Variants in LRRC53 observed in about 807,000 individuals in gnomAD.
The protein encoded by LRRC53 is leucine-rich repeat-containing protein 53.
In LRRC53, 25 loss-of-function variants were observed where a neutral mutation model predicts 13.6. The observed-to-expected ratio is 1.83, with a 90% confidence interval of 1.34 to 2.56. LRRC53 has a LOEUF of 2.56. Ranked by LOEUF, LRRC53 falls within the 30% of genes most tolerant of loss-of-function variation. The pLI is 0.00. For synonymous variants in LRRC53, 204 were observed against 109.8 expected, an observed-to-expected ratio of 1.86 and a Z score of -5.37; for missense variants, 527 against 275.8, an observed-to-expected ratio of 1.91 and a Z score of -6.45.
chr1:74,508,400 G>GT (rs1330581889), intron 1 of LRRC53, among the ~76,000 whole-genome samples: 1 of 152,136 alleles, frequency 6.6e-6, no homozygotes, highest in African/African-American at 2.4e-5. Flanking sequence ...AATAAAGAAG[G>GT]TATTATGATT....
At chr1:74,524,261 T>C in the LRRC53 span, among the ~76,000 whole-genome samples, 1 of 152,240 alleles carries the variant, frequency 6.6e-6, no homozygotes, top group Non-Finnish European at 1.5e-5. Context: ...TTTAACAGCC[T>C]GATCTCTGCC....
At position 74,505,810 on chromosome 1, in the gene LRRC53, AT is replaced by A. The variant is rs150666722; in HGVS notation, c.-27+6715del. ...GACCCAGGAAGAAAATAACTCCTGA[AT>A]TAACCAAAGTGGAATGAAAATCTTC... is the stretch of plus-strand genomic sequence containing the variant. On this transcript the variant is annotated intron_variant, in intron 1 of 4. Coordinates refer to ENST00000294635, the MANE Select transcript of LRRC53 (RefSeq NM_001382280.1). 1.3e-3 allele frequency among the ~76,000 whole-genome samples: 194 copies of A among 152,340 alleles called. 1 individual carries two copies. The highest frequency in any genetic ancestry group is 4.4e-3 in the African/African-American group (185 of 41,582).
intron 1 of LRRC53, chr1:74,492,352 A>G (rs867316559): frequency 7.4e-7 from 1 of 1,344,376 alleles, no homozygotes; most frequent in African/African-American, 1.5e-5. Flanking sequence ...TACTATTAAC[A>G]GGGTTTGATT....
the LRRC53 span, among the ~76,000 whole-genome samples, chr1:74,534,858 A>C: frequency 1.3e-5 from 2 of 152,178 alleles, no homozygotes; most frequent in African/African-American, 4.8e-5. Context: ...CCTCTGCTTC[A>C]TCTTAAATGG....
intron 1 of LRRC53, among the ~76,000 whole-genome samples, chr1:74,500,734 A>G (rs549095758): frequency 5.0e-4 from 75 of 149,258 alleles, no homozygotes; most frequent in Non-Finnish European, 1.0e-3. Flanking sequence ...GATATTTAGT[A>G]GATAGAGGAT....
chr1:74,484,945 G>A (rs766798517), intron 1 of LRRC53, among the ~76,000 whole-genome samples: 3 of 152,146 alleles, frequency 2.0e-5, no homozygotes, highest in Non-Finnish European at 4.4e-5. Context: ...ATACAAGGAA[G>A]GGATGATGTG....
At chr1:74,525,788 T>C in the LRRC53 span, among the ~76,000 whole-genome samples, 3 of 152,108 alleles carry the variant, frequency 2.0e-5, no homozygotes, top group African/African-American at 7.2e-5. Flanking sequence ...GGAGCAGCAG[T>C]TGGCCCAGCA....
chr1:74,529,598 A>G, the LRRC53 span, among the ~76,000 whole-genome samples: 2 of 152,186 alleles, frequency 1.3e-5, no homozygotes, highest in Non-Finnish European at 2.9e-5. Context: ...GGAAGAATCA[A>G]ATGATTGTAT....
chr1:74,481,942 A>G (rs1355891241), intron 2 of LRRC53, among the ~76,000 whole-genome samples: 1 of 152,184 alleles, frequency 6.6e-6, no homozygotes, highest in African/African-American at 2.4e-5. Context: ...TCGCGGAAAC[A>G]AAGAGATTAA....
intron 1 of LRRC53, among the ~76,000 whole-genome samples, chr1:74,490,332 G>A (rs1669002004): frequency 6.6e-6 from 1 of 152,186 alleles, no homozygotes. Context: ...TCTGCCAGAA[G>A]CCTTGGGTAT....
At chr1:74,479,600 A>G (rs1033534273) in intron 3 of LRRC53, among the ~76,000 whole-genome samples, 9 of 152,188 alleles carry the variant, frequency 5.9e-5, no homozygotes, top group Admixed American at 2.6e-4. Flanking sequence ...TCATTTATTT[A>G]ACTACTATGC....
chr1:74,478,755 T>C (rs1668330673), intron 3 of LRRC53, among the ~76,000 whole-genome samples: 1 of 152,242 alleles, frequency 6.6e-6, no homozygotes, highest in Non-Finnish European at 1.5e-5. Flanking sequence ...TATGCGTGCA[T>C]CTGTGTGTTT....
intron 1 of LRRC53, among the ~76,000 whole-genome samples, chr1:74,501,647 C>T (rs549506760): frequency 1.0e-3 from 158 of 152,056 alleles, no homozygotes; most frequent in African/African-American, 3.5e-3. Context: ...CTACCACGCC[C>T]GGGTAATTTT....
chr1:74,479,482 C>T (rs1668371728), intron 3 of LRRC53, among the ~76,000 whole-genome samples: 1 of 152,160 alleles, frequency 6.6e-6, no homozygotes, highest in Non-Finnish European at 1.5e-5. Context: ...AATTCAAAAC[C>T]ACCCAACAGG....
intron 1 of LRRC53, among the ~76,000 whole-genome samples, chr1:74,488,016 G>A (rs1476000535): frequency 2.0e-5 from 3 of 152,184 alleles, no homozygotes; most frequent in Non-Finnish European, 4.4e-5. Flanking sequence ...AAGCTCATTG[G>A]AGAAGAGTAG....
At chr1:74,495,802 T>C (rs994137689) in intron 1 of LRRC53, among the ~76,000 whole-genome samples, 1 of 152,180 alleles carries the variant, frequency 6.6e-6, no homozygotes, top group African/African-American at 2.4e-5. Context: ...TGCCAATACT[T>C]GTATTTGCTG....
intron 2 of LRRC53, among the ~76,000 whole-genome samples, chr1:74,482,832 G>T (rs372294706): frequency 1.3e-5 from 2 of 152,198 alleles, no homozygotes; most frequent in African/African-American, 4.8e-5. Flanking sequence ...TTCAAAATGA[G>T]ACGCACTTTG....
At position 74,507,224 on chromosome 1, in the gene LRRC53, C is replaced by CCT. The variant is rs1553153837; in HGVS notation, c.-27+5301_-27+5302insAG. Among the ~76,000 whole-genome samples, 5 of 27,074 alleles carry CCT rather than the reference C, an allele frequency of 1.8e-4. No homozygotes were observed. In the East Asian group the frequency reaches 0.025, roughly 133 times the overall value. The allele number at this position is 27,074 out of a possible 152,430, so 17.8% of individuals were successfully genotyped here. A position where few individuals can be genotyped will look rare whatever the true frequency, so the allele number is the denominator to read the frequency against. Reference sequence around the variant, plus strand: ...GATGAGCAGTTTTTAAATTTCTTCACCCCCCCCCCATCTTTTTAACACAAA... The same window carrying CCT: ...GATGAGCAGTTTTTAAATTTCTTCACCTCCCCCCCCCATCTTTTTAACACAAA... On this transcript the variant is annotated intron_variant, in intron 1 of 4. Transcript: ENST00000294635.
At chr1:74,517,639 C>T in the LRRC53 span, among the ~76,000 whole-genome samples, 1 of 152,130 alleles carries the variant, frequency 6.6e-6, no homozygotes, top group South Asian at 2.1e-4. Context: ...CAGTGGCAAC[C>T]TCAATTAGGT....
Sources: gnomAD v4.1 joint callset for allele counts (sites outside exome capture counted in the v4.1 genomes callset) on GRCh38, gnomAD v4.1.1 for gene constraint, MANE v1.5 for transcripts, NCBI Gene and HGNC (gene_info 2026-07-23, HGNC 2026-07-21) for gene names.